The following LRRC3C variants were observed in gnomAD, a reference collection of about 807,000 sequenced individuals.
The protein encoded by LRRC3C is leucine-rich repeat-containing protein 3C.
LRRC3C carries 11 observed loss-of-function variants against 14.8 expected under a neutral mutation model. The observed-to-expected ratio is 0.74, with a 90% confidence interval of 0.47 to 1.23. The LOEUF is 1.23. LRRC3C is among the 50% of genes most tolerant of loss of function. The pLI, the probability that LRRC3C is intolerant of heterozygous loss-of-function variation, is 0.00. For missense variants in LRRC3C, 354 were observed against 361.8 expected (o/e 0.98, Z 0.18); for synonymous variants, 149 against 161.5 (o/e 0.92, Z 0.59).
chr17:39,941,802 GTGTAACTC>G (rs1978948947), intron 3 of LRRC3C, among the ~76,000 whole-genome samples: 2 of 152,210 alleles, frequency 1.3e-5, no homozygotes, highest in Admixed American at 6.5e-5. Context: ...CTGACTCATT[GTGTAACTC>G]TGGTCACATT....
At chr17:39,937,954 A>C (rs1251103257) in intron 2 of LRRC3C, among the ~76,000 whole-genome samples, 1 of 151,982 alleles carries the variant, frequency 6.6e-6, no homozygotes, top group Non-Finnish European at 1.5e-5. Context: ...CAACATGGAG[A>C]AAACCCGTCT....
At chr17:39,941,581 C>A (rs750007728) in intron 3 of LRRC3C, 32 bp downstream of exon 3, 23 of 1,529,198 alleles carry the variant, frequency 1.5e-5, no homozygotes, top group Non-Finnish European at 1.4e-5. Flanking sequence ...CTCTGTGACA[C>A]CCCACTCTCC....
In LRRC3C at chr17:39,944,063, T is replaced by C. The variant is rs1979010104; in HGVS notation, c.157T>C (p.Tyr53His). The change falls in exon 4 of 4, where the codon TAT (tyrosine) becomes CAT (histidine). Residue 53 changes from tyrosine to histidine, a missense_variant. Coordinates refer to ENST00000377924, the MANE Select transcript of LRRC3C (RefSeq NM_001195545.2). ...CCCCCAGGTGCCTCCCCGGGGCTGT[T>C]ATGTGGCAAAGGAAGCAGGTGAACG... ...PSPQVPPRGC[Y>H]VAKEAGERTF... 1 of 1,535,900 alleles carries C rather than the reference T, an allele frequency of 6.5e-7. No homozygotes were observed. The highest frequency in any genetic ancestry group is 1.4e-5 in the African/African-American group (1 of 73,004).
chr17:39,939,353 T>A, intron 2 of LRRC3C: 1 of 985,390 alleles, frequency 1.0e-6, no homozygotes, highest in Non-Finnish European at 1.2e-6. Context: ...TGTACAAACA[T>A]CAATTAATGC....
At position 39,941,465 on chromosome 17, in the gene LRRC3C, C is replaced by T. The variant is rs894098583; in HGVS notation, c.-59C>T. On this transcript the variant is annotated 5_prime_UTR_variant, in exon 3 of 4. Coordinates refer to ENST00000377924, the MANE Select transcript of LRRC3C (RefSeq NM_001195545.2). ...CAGCTCTACAATTCCGTGTCCAGTC[C>T]TGGTCACCCATAGTCTTCCAAAATC... 4.2e-6 allele frequency: 6 copies of T among 1,440,094 alleles called. No individual in the cohort carries two copies. The highest frequency in any genetic ancestry group is 5.7e-6 in the Non-Finnish European group (6 of 1,060,212). 89.2% of individuals were successfully genotyped at this position (1,440,094 alleles called of 1,614,324 possible).
At chr17:39,941,349 TAA>T (rs11344927) in intron 2 of LRRC3C, 92 bp from the exon 3 acceptor site, 45,751 of 267,146 alleles carry the variant, frequency 0.17, 1,134 homozygotes, top group African/African-American at 0.29. Flanking sequence ...AGACTTTATC[TAA>T]AAAAAAAAAA....
At chr17:39,933,546 AAC>A (rs1479667289) in intron 1 of LRRC3C, among the ~76,000 whole-genome samples, 1 of 152,140 alleles carries the variant, frequency 6.6e-6, no homozygotes, top group Non-Finnish European at 1.5e-5. Flanking sequence ...CATCCTGGCT[AAC>A]ACAGTGAAAC....
rs1568120989 is a variant in LRRC3C at position 39,944,744 on chromosome 17, A to G, written c.*10A>G. ...CAGCACAGTGGTCTGATGACCCAGG[A>G]TGCTCCTCCAGCCACACCCCACACT... On this transcript the variant is annotated 3_prime_UTR_variant, in exon 4 of 4. Transcript: ENST00000377924. The G allele has an allele frequency of 6.5e-7, 1 of 1,535,010 alleles. No individual in the cohort carries two copies. Among genetic ancestry groups the G allele is most frequent in the East Asian group, 2.4e-5 (1 of 40,888 alleles).
chr17:39,944,922 A>G lies in LRRC3C; in HGVS notation c.*188A>G, dbSNP rs2144769183. Among the ~76,000 whole-genome samples the G allele has an allele frequency of 6.7e-6, 1 of 148,340 alleles. No homozygotes were observed. Among genetic ancestry groups the G allele is most frequent in the Non-Finnish European group, 1.5e-5 (1 of 67,012 alleles). On this transcript the variant is annotated 3_prime_UTR_variant, in exon 4 of 4. Coordinates refer to ENST00000377924, the MANE Select transcript of LRRC3C (RefSeq NM_001195545.2). ...CTCTCTCTGTGTCGTCTTAACCAACACCATCTTTGGTGCCTGGAGTTTTTT... is the reference window on the plus strand; with the variant it reads ...CTCTCTCTGTGTCGTCTTAACCAACGCCATCTTTGGTGCCTGGAGTTTTTT...
chr17:39,944,802 C>T lies in LRRC3C; in HGVS notation c.*68C>T, dbSNP rs1010661842. 1.7e-5 allele frequency: 24 copies of T among 1,412,548 alleles called. No individual in the cohort carries two copies. The highest frequency in any genetic ancestry group is 1.2e-5 in the Non-Finnish European group (13 of 1,045,364). The allele number at this position is 1,412,548 out of a possible 1,614,324, so 87.5% of individuals were successfully genotyped here. On this transcript the variant is annotated 3_prime_UTR_variant, in exon 4 of 4. Coordinates refer to ENST00000377924, the MANE Select transcript of LRRC3C (RefSeq NM_001195545.2). The stretch of plus-strand genomic sequence containing the variant: ...CTATGCCCTCTCCTTTGCTCTGACC[C>T]CCTCTGCCTCCTGTGCAGCTTCACC...
intron 2 of LRRC3C, among the ~76,000 whole-genome samples, chr17:39,939,828 G>T (rs1978892388): frequency 6.6e-6 from 1 of 152,198 alleles, no homozygotes; most frequent in South Asian, 2.1e-4. Flanking sequence ...CACATCTGCA[G>T]CTCCAGCTGG....
chr17:39,937,264 C>G (rs1162298412), intron 2 of LRRC3C, among the ~76,000 whole-genome samples: 1 of 151,654 alleles, frequency 6.6e-6, no homozygotes, highest in East Asian at 1.9e-4. Context: ...GGTGAAACCC[C>G]GTATCTACTG....
In LRRC3C at chr17:39,944,262, CAG is replaced by C. The variant is rs1324004862; in HGVS notation, c.357_358del (p.Ala121GlyfsTer44). On this transcript the variant is annotated frameshift_variant, in exon 4 of 4. Transcript: ENST00000377924. LOFTEE classifies it high-confidence loss of function. ...TCCCATAATGCCCTTGCCCACCTCT[CAG>C]GGGCGGCTTTCCAGGGCCTGGAGGG... 6 of 1,534,694 alleles carry C rather than the reference CAG, an allele frequency of 3.9e-6. No homozygotes were observed. In the Admixed American group the frequency reaches 1.2e-4, roughly 30 times the overall value.
chr17:39,940,371 C>T (rs1978904832), intron 2 of LRRC3C, among the ~76,000 whole-genome samples: 1 of 152,128 alleles, frequency 6.6e-6, no homozygotes, highest in Admixed American at 6.6e-5. Flanking sequence ...GAGCTCTGCA[C>T]TTGGTTTTAC....
intron 2 of LRRC3C, among the ~76,000 whole-genome samples, chr17:39,939,789 G>C (rs1251784288): frequency 6.6e-6 from 1 of 152,164 alleles, no homozygotes; most frequent in Non-Finnish European, 1.5e-5. Flanking sequence ...CTCCTTCACC[G>C]AGTTTGCACT....
rs565766057 is a variant in LRRC3C, at chr17:39,943,819, A to C, written c.27-114A>C. ...CCAGGCTTGAGAGAAGCCCCCAGAG[A>C]AGAGGCCCCAGCCCAAAAAGACTCC... On this transcript the variant is annotated intron_variant, in intron 3 of 3. Transcript: ENST00000377924. The C allele has an allele frequency of 5.4e-5, 51 of 950,420 alleles. No individual in the cohort carries two copies. The African/African-American group carries it at 5.9e-4, about 11-fold the overall frequency. 58.9% of individuals were successfully genotyped at this position (950,420 alleles called of 1,614,324 possible).
intron 1 of LRRC3C, among the ~76,000 whole-genome samples, chr17:39,929,913 A>G (rs1030846324): frequency 6.6e-6 from 1 of 152,162 alleles, no homozygotes; most frequent in Non-Finnish European, 1.5e-5. Flanking sequence ...AGGACACAAA[A>G]TAGCATAACA....
chr17:39,927,748 C>T lies in LRRC3C; in HGVS notation c.-241C>T, dbSNP rs558955346. On this transcript the variant is annotated 5_prime_UTR_variant, in exon 1 of 4. Coordinates refer to ENST00000377924, the MANE Select transcript of LRRC3C (RefSeq NM_001195545.2). ...GTTTTTCCTGGGCTCCGTTCCCGGC[C>T]TCTTCGGGGACGCACGGTTGGAAGT... 2.0e-5 allele frequency: 20 copies of T among 985,436 alleles called. No homozygotes were observed. Among genetic ancestry groups the T allele is most frequent in the Non-Finnish European group, 2.3e-5 (19 of 830,006 alleles). 61.0% of individuals were successfully genotyped at this position (985,436 alleles called of 1,614,324 possible).
intron 3 of LRRC3C, among the ~76,000 whole-genome samples, chr17:39,943,326 CG>C (rs1214168920): frequency 6.6e-6 from 1 of 151,850 alleles, no homozygotes; most frequent in African/African-American, 2.4e-5. Flanking sequence ...TGGAGGAGGA[CG>C]GGGAGGAGGA....
Sources: allele counts gnomAD v4.1 joint callset (sites outside exome capture counted in the v4.1 genomes callset), GRCh38; gene constraint gnomAD v4.1.1; transcripts MANE v1.5; gene names NCBI Gene and HGNC (gene_info 2026-07-23, HGNC 2026-07-21).